Variants in MTHFD1 observed in about 807,000 individuals in gnomAD.
MTHFD1 encodes the protein methylenetetrahydrofolate dehydrogenase, cyclohydrolase and formyltetrahydrofolate synthetase 1.
Under a neutral mutation model 110.3 loss-of-function variants are expected in MTHFD1, and 44 were observed. That is an observed-to-expected ratio of 0.40 (90% confidence interval 0.31 to 0.51). MTHFD1 has a LOEUF of 0.51. Among genes scored for constraint, MTHFD1 ranks in the 20% least tolerant of loss-of-function variants. The pLI is 0.60. For missense variants in MTHFD1, 909 were observed against 1,173.1 expected, an observed-to-expected ratio of 0.77 and a Z score of 3.29; for synonymous variants, 402 against 428.8, an observed-to-expected ratio of 0.94 and a Z score of 0.77.
chr14:64,449,649 A>T (rs2078338457), intron 24 of MTHFD1, 27 bp downstream of exon 24: 1 of 1,612,576 alleles, frequency 6.2e-7, no homozygotes, highest in Non-Finnish European at 8.5e-7. Context: ...CTGCAAAAAA[A>T]GAAAAAAGAC....
chr14:64,441,390 G>T lies in MTHFD1; in HGVS notation c.1821G>T (p.Val607=), dbSNP rs757259935. 5 of 1,614,094 alleles carry T rather than the reference G, an allele frequency of 3.1e-6. No homozygotes were observed. Among genetic ancestry groups the T allele is most frequent in the Non-Finnish European group, 4.2e-6 (5 of 1,179,986 alleles). ...TGCACACATTTGTTTTGTAGGGGGTGAGTGGTGCACTGACAGTGCTTATGA... is the reference window on the plus strand; with the variant it reads ...TGCACACATTTGTTTTGTAGGGGGTTAGTGGTGCACTGACAGTGCTTATGA... ...GEPVSAEDLG[V]SGALTVLMKD... The change falls in exon 19 of 28, where the codon GTG becomes GTT. Residue 607 remains valine, a synonymous_variant. Transcript: ENST00000652337.
chr14:64,458,706 G>A, intron 27 of MTHFD1: 1 of 257,510 alleles, frequency 3.9e-6, no homozygotes, highest in Non-Finnish European at 7.6e-6. Flanking sequence ...GTAGTTAGAA[G>A]GCAAGAATTA....
At position 64,420,058 on chromosome 14, in the gene MTHFD1, AG is replaced by A. The variant is rs2078056453; in HGVS notation, c.727+136del. The A allele has an allele frequency of 1.1e-4, 82 of 741,674 alleles. No homozygotes were observed. The South Asian group carries it at 1.2e-3, about 11-fold the overall frequency. The allele number at this position is 741,674 out of a possible 1,614,324, so 45.9% of individuals were successfully genotyped here. On this transcript the variant is annotated intron_variant, in intron 8 of 27. Transcript: ENST00000652337. ...AAGGTTTAGGAGACTGACTAGCCCA[AG>A]GGTGCACAGAGTTAGTAGATAGAAG...
intron 26 of MTHFD1, among the ~76,000 whole-genome samples, chr14:64,455,624 G>C (rs2078459473): frequency 6.6e-6 from 1 of 152,176 alleles, no homozygotes; most frequent in Non-Finnish European, 1.5e-5. Flanking sequence ...ATACAGGACT[G>C]AAATATTAAA....
At chr14:64,421,769 G>A (rs373395097) in intron 8 of MTHFD1, among the ~76,000 whole-genome samples, 48 of 152,060 alleles carry the variant, frequency 3.2e-4, no homozygotes, top group African/African-American at 6.3e-4. Context: ...GACTACAGGC[G>A]CCCGCCACCA....
chr14:64,406,961 T>G (rs1046665436), intron 2 of MTHFD1, among the ~76,000 whole-genome samples: 1 of 152,122 alleles, frequency 6.6e-6, no homozygotes, highest in Non-Finnish European at 1.5e-5. Context: ...AGGGACTGAG[T>G]CTGGGAAATG....
intron 25 of MTHFD1, 150 bp from the exon 26 acceptor site, chr14:64,454,573 T>C: frequency 1.6e-6 from 1 of 633,274 alleles, no homozygotes; most frequent in East Asian, 2.9e-5. Context: ...GCTTAATAAA[T>C]AAGCTGGAGG....
chr14:64,454,780 C>A lies in MTHFD1; in HGVS notation c.2623C>A (p.Pro875Thr). The change falls in exon 26 of 28, where the codon CCA (proline) becomes ACA (threonine). Residue 875 changes from proline to threonine, a missense_variant. Coordinates refer to ENST00000652337, the MANE Select transcript of MTHFD1 (RefSeq NM_005956.4). ...AACACACTTGTCTTTGTCTCACAAC[C>A]CAGAGCAAAAAGGTGTCCCTACAGG... ...AKTHLSLSHNPEQKGVPTGFI... is the reference protein window; with the variant it reads ...AKTHLSLSHNTEQKGVPTGFI... 1 of 1,614,004 alleles carries A rather than the reference C, an allele frequency of 6.2e-7. No homozygotes were observed. Among genetic ancestry groups the A allele is most frequent in the Non-Finnish European group, 8.5e-7 (1 of 1,179,868 alleles).
intron 4 of MTHFD1, 66 bp downstream of exon 4, chr14:64,412,591 C>T (rs569024253): frequency 1.9e-5 from 23 of 1,239,818 alleles, no homozygotes; most frequent in Middle Eastern, 1.9e-4. Context: ...TTTTGGTTTA[C>T]GGGGGCTTTG....
chr14:64,440,176 C>T lies in MTHFD1; in HGVS notation c.1725C>T (p.Leu575=), dbSNP rs1301436769. ...VASEIMAVLA[L]TTSLEDMRER... ...GTGAAATTATGGCTGTCCTGGCTCTCACCACTTCTCTAGAAGACATGAGAG... is the reference window on the plus strand; with the variant it reads ...GTGAAATTATGGCTGTCCTGGCTCTTACCACTTCTCTAGAAGACATGAGAG... Residue 575 remains leucine, a synonymous_variant, in exon 18 of 28, where the codon CTC becomes CTT. Transcript: ENST00000652337. The T allele has an allele frequency of 6.2e-7, 1 of 1,614,108 alleles. No individual in the cohort carries two copies. The highest frequency in any genetic ancestry group is 8.5e-7 in the Non-Finnish European group (1 of 1,180,024).
chr14:64,457,691 G>A (rs2078497840), intron 26 of MTHFD1, among the ~76,000 whole-genome samples: 1 of 152,062 alleles, frequency 6.6e-6, no homozygotes, highest in Admixed American at 6.6e-5. Flanking sequence ...CCTGACCTCA[G>A]GTGATCCATC....
rs2078116525 is a variant in MTHFD1, at chr14:64,426,106, A to G, written c.1041A>G (p.Leu347=). The G allele has an allele frequency of 1.9e-6, 3 of 1,614,052 alleles. No individual in the cohort carries two copies. The highest frequency in any genetic ancestry group is 2.5e-6 in the Non-Finnish European group (3 of 1,180,062). The part of the protein sequence containing the change: ...EIGLLSEEVE[L]YGETKAKVLL... ...GTCTGCTGTCTGAAGAGGTAGAATT[A>G]TATGGTGAAACAAAGGCCAAAGTTC... is the stretch of plus-strand genomic sequence containing the variant. The change falls in exon 11 of 28, where the codon TTA becomes TTG. Residue 347 remains leucine (L), a synonymous_variant. Transcript: ENST00000652337.
rs745885398 is a variant in MTHFD1 at position 64,444,693 on chromosome 14, G to A, written c.2137G>A (p.Val713Ile). ...CTGACTCTGTTTCTTTTCCTTCCAG[G>A]TCACTGCTGGACTGCCTCTTCCCAA... is the stretch of plus-strand genomic sequence containing the variant. Reference protein sequence around the residue: ...ALKMHGGGPTVTAGLPLPKAY... With the variant: ...ALKMHGGGPTITAGLPLPKAY... Residue 713 changes from valine to isoleucine, a missense_variant and splice_region_variant, in exon 22 of 28, where the codon GTC (valine) becomes ATC (isoleucine). Val to Ile is a conservative substitution (Grantham distance 29). Around this residue, in one of 3 missense-constraint regions of MTHFD1, gnomAD observed 482 missense variants for 646.0 expected, o/e 0.75. Transcript: ENST00000652337. The A allele has an allele frequency of 8.1e-6, 13 of 1,613,994 alleles. No homozygotes were observed. The highest frequency in any genetic ancestry group is 9.3e-6 in the Non-Finnish European group (11 of 1,179,960).
At chr14:64,450,082 G>A (rs1400667075) in intron 24 of MTHFD1, among the ~76,000 whole-genome samples, 2 of 152,196 alleles carry the variant, frequency 1.3e-5, no homozygotes, top group African/African-American at 4.8e-5. Context: ...GAGCCACTGC[G>A]TCCGCCCAGA....
intron 22 of MTHFD1, among the ~76,000 whole-genome samples, chr14:64,445,875 G>A (rs1462487381): frequency 1.3e-5 from 2 of 152,154 alleles, no homozygotes; most frequent in African/African-American, 2.4e-5. Flanking sequence ...GTGACTAGAG[G>A]TAAAGAATTA....
chr14:64,439,211 G>T (rs368716804), intron 17 of MTHFD1, 39 bp downstream of exon 17: 8 of 1,475,726 alleles, frequency 5.4e-6, no homozygotes, highest in Non-Finnish European at 7.6e-6. Flanking sequence ...TAGTTCAGAG[G>T]CACTAGATCT....
Position 64,419,863 on chromosome 14 carries a change from T to A in MTHFD1, c.665T>A (p.Val222Asp). The A allele has an allele frequency of 6.2e-7, 1 of 1,613,992 alleles. No individual in the cohort carries two copies. Among genetic ancestry groups the A allele is most frequent in the Non-Finnish European group, 8.5e-7 (1 of 1,179,984 alleles). ...GTTGCAACTGGTCAGCCTGAAATGGTTAAAGGGGAGTGGATCAAACCTGGG... is the reference window on the plus strand; with the variant it reads ...GTTGCAACTGGTCAGCCTGAAATGGATAAAGGGGAGTGGATCAAACCTGGG... ...LVVATGQPEM[V>D]KGEWIKPGAI... The change falls in exon 8 of 28, where the codon GTT (valine) becomes GAT (aspartate). Residue 222 changes from valine to aspartate, a missense_variant. By Grantham distance (152) the Val-to-Asp change is radical. Transcript: ENST00000652337.
At chr14:64,419,682 A>G in intron 7 of MTHFD1, 132 bp from the exon 8 acceptor site, 3 of 725,540 alleles carry the variant, frequency 4.1e-6, no homozygotes, top group Admixed American at 4.1e-5. Flanking sequence ...GCCTTAACCC[A>G]ATATCTTATG....
intron 27 of MTHFD1, chr14:64,458,660 G>A (rs1281424371): frequency 2.8e-6 from 1 of 361,570 alleles, no homozygotes; most frequent in Non-Finnish European, 5.3e-6. Flanking sequence ...CACATTGCAG[G>A]TCAGGAACAG....
Sources: allele counts gnomAD v4.1 joint callset (sites outside exome capture counted in the v4.1 genomes callset), GRCh38; gene constraint gnomAD v4.1.1; regional missense constraint gnomAD v4.1.1; transcripts MANE v1.5; gene names NCBI Gene and HGNC (gene_info 2026-07-23, HGNC 2026-07-21).